The following MAEL variants were observed in gnomAD, a reference collection of about 807,000 sequenced individuals.
MAEL encodes the protein protein maelstrom homolog.
MAEL carries 46 observed loss-of-function variants against 62.0 expected under a neutral mutation model. That is an observed-to-expected ratio of 0.74 (90% CI 0.59 to 0.95). The LOEUF (loss-of-function observed/expected upper bound fraction) is 0.95. Ranked by LOEUF, MAEL falls within the 40% of genes least tolerant of loss-of-function variation. The pLI is 0.00. For synonymous variants in MAEL, 172 were observed against 175.5 expected, an observed-to-expected ratio of 0.98 and a Z score of 0.16; for missense variants, 497 against 526.8, an observed-to-expected ratio of 0.94 and a Z score of 0.55.
At chr1:166,985,394 G>T (rs949228861), upstream of MAEL, among the ~76,000 whole-genome samples, 1 of 152,184 alleles carries the variant, frequency 6.6e-6, no homozygotes, top group Non-Finnish European at 1.5e-5. Flanking sequence ...ATCAGTGCAT[G>T]TGTGGGAAAA....
At chr1:166,983,404 TG>T (rs1158221800) in intron 1 of MAEL, among the ~76,000 whole-genome samples, 3 of 152,314 alleles carry the variant, frequency 2.0e-5, no homozygotes, top group Admixed American at 2.0e-4. Context: ...TCTCCTTAGA[TG>T]ATCTCATCTA....
intron 10 of MAEL, among the ~76,000 whole-genome samples, chr1:167,020,160 C>T (rs1030779144): frequency 6.6e-6 from 1 of 152,202 alleles, no homozygotes; most frequent in Non-Finnish European, 1.5e-5. Context: ...AACTCCAGGA[C>T]ACCATTCACA....
upstream of MAEL, among the ~76,000 whole-genome samples, chr1:166,988,085 T>G (rs1256148834): frequency 6.6e-6 from 1 of 152,124 alleles, no homozygotes; most frequent in Non-Finnish European, 1.5e-5. Context: ...TTCAGTGGTT[T>G]ACGCCTGTAA....
At chr1:167,004,966 C>T in intron 6 of MAEL, 110 bp from the exon 7 acceptor site, 1 of 967,872 alleles carries the variant, frequency 1.0e-6, no homozygotes, top group Non-Finnish European at 1.6e-6. Flanking sequence ...CTCCTGTGCC[C>T]CCTACCTCCC....
At chr1:166,994,092 G>A (rs1664304279) in intron 5 of MAEL, 23 bp downstream of exon 5, 3 of 1,606,696 alleles carry the variant, frequency 1.9e-6, no homozygotes, top group African/African-American at 1.3e-5. Context: ...GAATGGGGTA[G>A]GATTTGTGAC....
At chr1:166,986,945 CGTGTGTGTGTGTGT>C (rs58393275), upstream of MAEL, among the ~76,000 whole-genome samples, 6 of 147,122 alleles carry the variant, frequency 4.1e-5, no homozygotes, top group African/African-American at 9.9e-5. Flanking sequence ...AGGAAGGGGA[CGTGTGTGTGTGTGT>C]GTGTGTGTGT....
At chr1:167,001,308 G>A (rs1055757330) in intron 5 of MAEL, among the ~76,000 whole-genome samples, 3 of 152,094 alleles carry the variant, frequency 2.0e-5, no homozygotes, top group South Asian at 2.1e-4. Context: ...AATTGGGTTC[G>A]GTGTATACTA....
intron 1 of MAEL, among the ~76,000 whole-genome samples, chr1:166,977,517 C>T (rs1022703017): frequency 6.6e-6 from 1 of 151,578 alleles, no homozygotes; most frequent in African/African-American, 2.4e-5. Context: ...AAAGCATATA[C>T]TGTTTGCACC....
intron 1 of MAEL, among the ~76,000 whole-genome samples, chr1:166,980,521 C>G (rs1663728423): frequency 6.6e-6 from 1 of 152,104 alleles, no homozygotes; most frequent in Non-Finnish European, 1.5e-5. Flanking sequence ...ACAAAGCCCC[C>G]ACATGTACAC....
intron 6 of MAEL, 41 bp from the exon 7 acceptor site, chr1:167,005,035 G>C: frequency 5.0e-6 from 8 of 1,588,068 alleles, no homozygotes; most frequent in Non-Finnish European, 6.9e-6. Flanking sequence ...GAAGATACAA[G>C]TAGTTTTTTT....
chr1:167,002,779 A>AT (rs957472770), intron 5 of MAEL, among the ~76,000 whole-genome samples: 1 of 152,192 alleles, frequency 6.6e-6, no homozygotes, highest in Non-Finnish European at 1.5e-5. Context: ...ACAATGGAAT[A>AT]TTTTTTTAAT....
intron 3 of MAEL, among the ~76,000 whole-genome samples, chr1:166,991,788 G>C (rs901330226): frequency 3.3e-5 from 5 of 152,026 alleles, no homozygotes; most frequent in African/African-American, 1.2e-4. Context: ...AAAGTAAACA[G>C]GTGGAAGAAC....
chr1:166,977,711 C>T (rs575747820), intron 1 of MAEL, among the ~76,000 whole-genome samples: 17 of 152,238 alleles, frequency 1.1e-4, no homozygotes, highest in Non-Finnish European at 1.9e-4. Context: ...CTCAGCACTT[C>T]GGGAAGCTGA....
rs1665649484 is a variant in MAEL at position 167,021,877 on chromosome 1, C to T, written c.*22C>T. On this transcript the variant is annotated 3_prime_UTR_variant, in exon 12 of 12. Coordinates refer to ENST00000367872, the MANE Select transcript of MAEL (RefSeq NM_032858.3). ...TTAATGATGGTACTCTTTTCAATTT[C>T]TGAAAACAGTAACAGGCCCAACTTC... 2 of 1,534,262 alleles carry T rather than the reference C, an allele frequency of 1.3e-6. No individual in the cohort carries two copies. Among genetic ancestry groups the T allele is most frequent in the South Asian group, 1.2e-5 (1 of 84,772 alleles).
chr1:166,989,586 C>G, intron 1 of MAEL, 102 bp downstream of exon 1: 3 of 1,508,202 alleles, frequency 2.0e-6, no homozygotes, highest in Non-Finnish European at 2.7e-6. Context: ...CGGCTTGGCC[C>G]TGCCAGAGGA....
rs756197161 is a variant in MAEL, at chr1:166,989,483, C to T, written c.131C>T (p.Ala44Val). 6.3e-7 allele frequency: 1 copy of T among 1,583,430 alleles called. No homozygotes were observed. Among genetic ancestry groups the T allele is most frequent in the South Asian group, 1.2e-5 (1 of 86,644 alleles). ...ATCCCTTACTGCTCCTCAGACTGGG[C>T]GGTAAGGCTGGAGCGGAGTGAGAGG... ...DAIPYCSSDW[A>V]LLREEEKEKY... Residue 44 changes from alanine to valine, a missense_variant and splice_region_variant, in exon 1 of 12, where the codon GCG becomes GTG. Coordinates refer to ENST00000367872, the MANE Select transcript of MAEL (RefSeq NM_032858.3).
intron 11 of MAEL, 21 bp downstream of exon 11, chr1:167,021,181 A>G: frequency 6.5e-7 from 1 of 1,549,512 alleles, no homozygotes; most frequent in Middle Eastern, 1.7e-4. Flanking sequence ...TATATTTTAC[A>G]AAAATGCACC....
At chr1:167,011,362 C>A (rs369262107) in intron 8 of MAEL, among the ~76,000 whole-genome samples, 1 of 152,084 alleles carries the variant, frequency 6.6e-6, no homozygotes, top group Non-Finnish European at 1.5e-5. Context: ...TGTTGTTGTT[C>A]TTGTTAATCT....
intron 8 of MAEL, among the ~76,000 whole-genome samples, chr1:167,007,598 TATGTACAC>T (rs1353465367): frequency 1.8e-5 from 1 of 56,286 alleles, no homozygotes; most frequent in African/African-American, 1.6e-4. Flanking sequence ...TGTGTGTGTG[TATGTACAC>T]ACACACTCCA....
Sources: gnomAD v4.1 joint callset for allele counts (sites outside exome capture counted in the v4.1 genomes callset) on GRCh38, gnomAD v4.1.1 for gene constraint, MANE v1.5 for transcripts, NCBI Gene and HGNC (gene_info 2026-07-23, HGNC 2026-07-21) for gene names.